DLGAP4: variants seen among roughly 807,000 people sequenced by gnomAD.
DLGAP4 encodes the protein disks large-associated protein 4.
DLGAP4 carries 18 observed loss-of-function variants against 86.9 expected under a neutral mutation model. The ratio of observed to expected loss-of-function variants is 0.21; its 90% CI spans 0.14 to 0.31. DLGAP4 has a LOEUF of 0.31. Ranked by LOEUF, DLGAP4 falls within the 10% of genes least tolerant of loss-of-function variation. The pLI is 1.00. For synonymous variants in DLGAP4, 548 were observed against 574.3 expected (o/e 0.95, Z 0.65); for missense variants, 1,085 against 1,362.6 (o/e 0.80, Z 3.21).
intron 2 of DLGAP4, among the ~76,000 whole-genome samples, chr20:36,410,410 C>CT (rs1194200739): frequency 6.6e-6 from 1 of 152,176 alleles, no homozygotes; most frequent in Non-Finnish European, 1.5e-5. Flanking sequence ...TGGGATAACT[C>CT]TGAGATATGT....
intron 10 of DLGAP4, among the ~76,000 whole-genome samples, chr20:36,509,651 A>G (rs984411903): frequency 1.3e-5 from 2 of 152,090 alleles, no homozygotes; most frequent in Admixed American, 6.6e-5. Flanking sequence ...TCAGGAGACT[A>G]AGGTGAGAGG....
chr20:36,361,585 A>G (rs528524397), intron 1 of DLGAP4, among the ~76,000 whole-genome samples: 1 of 152,288 alleles, frequency 6.6e-6, no homozygotes, highest in East Asian at 1.9e-4. Context: ...AAGCTGGTGC[A>G]GTGTCCGAAC....
chr20:36,365,594 G>A (rs572487229), intron 1 of DLGAP4, among the ~76,000 whole-genome samples: 8 of 152,284 alleles, frequency 5.3e-5, no homozygotes, highest in East Asian at 1.9e-4. Context: ...TGTGGTTGTC[G>A]AAGCTCTCCG....
rs1278651799 is a variant in DLGAP4 at position 36,500,114 on chromosome 20, G to T, written c.2100-85G>T. On this transcript the variant is annotated intron_variant, in intron 9 of 12. Transcript: ENST00000339266. This position sits in a 1 kb window ranked among gnomAD's most constrained non-coding sequence, Gnocchi z 4.6. ...GCATCCGTTTCTCTGTCTCCCGTGT[G>T]TCCGGGTCAAGGCGGCCTCTGGTCT... The T allele has an allele frequency of 7.0e-7, 1 of 1,425,882 alleles. No homozygotes were observed. Among genetic ancestry groups the T allele is most frequent in the Non-Finnish European group, 9.5e-7 (1 of 1,056,926 alleles). 88.3% of individuals were successfully genotyped at this position (1,425,882 alleles called of 1,614,324 possible).
rs1390741617 is a variant in DLGAP4, at chr20:36,439,945, G to C, written c.1356+77G>C. On this transcript the variant is annotated intron_variant, in intron 5 of 12. Transcript: ENST00000339266. ...ATCTGGGAGGAGGACACACGCCCAG[G>C]CCCAGCCCATGCTGAGTGGCCCCCA... 3.1e-6 allele frequency: 4 copies of C among 1,303,616 alleles called. No individual in the cohort carries two copies. The African/African-American group carries it at 5.9e-5, about 19-fold the overall frequency. The allele number at this position is 1,303,616 out of a possible 1,614,324, so 80.8% of individuals were successfully genotyped here.
intron 1 of DLGAP4, among the ~76,000 whole-genome samples, chr20:36,343,981 C>T (rs1234314927): frequency 3.9e-5 from 6 of 152,202 alleles, no homozygotes; most frequent in South Asian, 4.1e-4. Flanking sequence ...CCTGCTGTTC[C>T]GGCCATGGGG....
chr20:36,388,066 G>A (rs1037372561), intron 2 of DLGAP4, among the ~76,000 whole-genome samples: 3 of 152,158 alleles, frequency 2.0e-5, no homozygotes, highest in African/African-American at 7.2e-5. Flanking sequence ...TACCCTGAGC[G>A]AGTGTTATGA....
At chr20:36,353,284 C>G (rs1334339841) in intron 1 of DLGAP4, among the ~76,000 whole-genome samples, 1 of 152,240 alleles carries the variant, frequency 6.6e-6, no homozygotes, top group African/African-American at 2.4e-5. Context: ...CCAACCCACA[C>G]TGCCCTGCGG....
intron 1 of DLGAP4, among the ~76,000 whole-genome samples, chr20:36,340,387 G>A (rs1355914945): frequency 1.3e-5 from 2 of 152,154 alleles, no homozygotes; most frequent in Non-Finnish European, 2.9e-5. Flanking sequence ...CCCCGCACGT[G>A]GCTGCTTCTC....
At chr20:36,357,857 C>T (rs1474570507) in intron 1 of DLGAP4, among the ~76,000 whole-genome samples, 3 of 152,148 alleles carry the variant, frequency 2.0e-5, no homozygotes, top group Admixed American at 6.5e-5. Flanking sequence ...ACCAGATGGC[C>T]GGTGAGGGGG....
intron 1 of DLGAP4, among the ~76,000 whole-genome samples, chr20:36,333,370 C>A (rs1403599232): frequency 6.6e-6 from 1 of 152,114 alleles, no homozygotes; most frequent in Non-Finnish European, 1.5e-5. Context: ...GAGCACCTCA[C>A]TCCGTTCCAG....
intron 2 of DLGAP4, among the ~76,000 whole-genome samples, chr20:36,394,589 C>T (rs970048832): frequency 2.0e-5 from 3 of 152,144 alleles, no homozygotes; most frequent in Non-Finnish European, 4.4e-5. Context: ...CGTGTGCGCA[C>T]GAGCCTCCGT....
chr20:36,499,170 C>T, intron 8 of DLGAP4: 3 of 1,385,072 alleles, frequency 2.2e-6, no homozygotes, highest in South Asian at 1.3e-5. Flanking sequence ...ACGGCTGTGG[C>T]TTTGTGTGTG....
At chr20:36,332,766 C>G (rs2065282873) in intron 1 of DLGAP4, among the ~76,000 whole-genome samples, 1 of 152,074 alleles carries the variant, frequency 6.6e-6, no homozygotes, top group Non-Finnish European at 1.5e-5. Context: ...CAGAGCTGGG[C>G]CTGCCTGGGT....
chr20:36,403,022 A>G (rs1417493853), intron 2 of DLGAP4, among the ~76,000 whole-genome samples: 4 of 152,230 alleles, frequency 2.6e-5, no homozygotes, highest in African/African-American at 7.2e-5. Context: ...AAAAGAGGAC[A>G]GAAAGAGGGG....
chr20:36,387,888 A>G (rs1176015253), intron 2 of DLGAP4, among the ~76,000 whole-genome samples: 1 of 152,136 alleles, frequency 6.6e-6, no homozygotes, highest in Non-Finnish European at 1.5e-5. Context: ...TCGGTTCTAC[A>G]CTAATCACTG....
rs1440939396 is a variant in DLGAP4 at position 36,308,006 on chromosome 20, C to G, written c.-304+1494C>G. On this transcript the variant is annotated intron_variant, in intron 1 of 12. Transcript: ENST00000339266. This position sits in a 1 kb window ranked among gnomAD's most constrained non-coding sequence, Gnocchi z 4.5. ...TGCAGAGCTGGTGCCCTGGCCTGGC[C>G]GATGGGTGGCTGGAGTGTTGGAGCC... is the stretch of plus-strand genomic sequence containing the variant. Among the ~76,000 whole-genome samples the G allele has an allele frequency of 6.6e-6, 1 of 152,328 alleles. No homozygotes were observed. Among genetic ancestry groups the G allele is most frequent in the African/African-American group, 2.4e-5 (1 of 41,558 alleles).
chr20:36,382,280 G>A (rs1306671710), intron 2 of DLGAP4, among the ~76,000 whole-genome samples: 2 of 151,980 alleles, frequency 1.3e-5, no homozygotes, highest in East Asian at 1.9e-4. Context: ...AATGCAGTGG[G>A]GCAATCATAG....
chr20:36,447,038 C>T, intron 7 of DLGAP4, 101 bp downstream of exon 7: 2 of 1,482,612 alleles, frequency 1.3e-6, no homozygotes, highest in Non-Finnish European at 1.8e-6. Flanking sequence ...AGGAATCTGT[C>T]TCAGGCTGGC....
Sources: gnomAD v4.1 joint callset for allele counts (sites outside exome capture counted in the v4.1 genomes callset) on GRCh38, gnomAD v4.1.1 for gene constraint, Gnocchi (gnomAD v3.1) non-coding constraint, MANE v1.5 for transcripts, NCBI Gene and HGNC (gene_info 2026-07-23, HGNC 2026-07-21) for gene names.